DEF6: variants seen among roughly 807,000 people sequenced by gnomAD.
DEF6 encodes DEF6 guanine nucleotide exchange factor.
In DEF6, 32 loss-of-function variants were observed where a neutral mutation model predicts 80.5. That is an observed-to-expected ratio of 0.40 (90% confidence interval 0.30 to 0.53). The LOEUF (loss-of-function observed/expected upper bound fraction) is 0.53. Among genes scored for constraint, DEF6 ranks in the 20% least tolerant of loss-of-function variants. The probability of loss-of-function intolerance (pLI) is 0.57; values close to 1 mark genes in which losing one functional copy is unlikely to be tolerated. For synonymous variants in DEF6, 300 were observed against 337.9 expected, an observed-to-expected ratio of 0.89 and a Z score of 1.23; for missense variants, 575 against 818.7, an observed-to-expected ratio of 0.70 and a Z score of 3.63.
intron 2 of DEF6, 138 bp from the exon 3 acceptor site, chr6:35,310,321 A>G (rs1015966637): frequency 3.6e-6 from 3 of 830,962 alleles, no homozygotes; most frequent in South Asian, 1.6e-5. Context: ...TAATCAGCTC[A>G]GGGATCCCTT....
intron 1 of DEF6, 22 bp from the exon 2 acceptor site, chr6:35,309,648 C>T (rs1791437604): frequency 1.9e-6 from 3 of 1,610,062 alleles, no homozygotes; most frequent in Non-Finnish European, 2.5e-6. Context: ...GAAAGACACA[C>T]TGCCACTCTA....
chr6:35,304,167 A>G lies in DEF6; in HGVS notation c.97-5503A>G, dbSNP rs374822835. 9.9e-4 allele frequency among the ~76,000 whole-genome samples: 151 copies of G among 152,230 alleles called. No individual in the cohort carries two copies. The South Asian group carries it at 0.014, about 14-fold the overall frequency. On this transcript the variant is annotated intron_variant, in intron 1 of 10. Transcript: ENST00000316637. The stretch of plus-strand genomic sequence containing the variant: ...AAAACACACACACACATATACACAC[A>G]AAAATTAGCCGGGTGTGATGGCGCA...
At position 35,319,654 on chromosome 6, in the gene DEF6, G is replaced by C; in HGVS notation, c.1346G>C (p.Arg449Pro). 2 of 1,613,486 alleles carry C rather than the reference G, an allele frequency of 1.2e-6. No homozygotes were observed. The highest frequency in any genetic ancestry group is 1.7e-6 in the Non-Finnish European group (2 of 1,179,620). Residue 449 changes from arginine (R) to proline (P), a missense_variant, in exon 8 of 11, where the codon CGG becomes CCG. Coordinates refer to ENST00000316637, the MANE Select transcript of DEF6 (RefSeq NM_022047.4). The surrounding 1 kb of genome is among the most constrained non-coding windows in gnomAD (Gnocchi z 4.5). ...GCCCTGCAACTAGAGGTGAAAGCTC[G>C]GCGAGATGAAGAATCTGTGCGAATC... The part of the protein sequence containing the change: ...QEALQLEVKA[R>P]RDEESVRIAQ...
chr6:35,310,551 C>G lies in DEF6; in HGVS notation c.330C>G (p.Asn110Lys), dbSNP rs1791454790. Reference protein sequence around the residue: ...KKNYRADSNGNSMLSNQDAFR... With the variant: ...KKNYRADSNGKSMLSNQDAFR... ...ACTATCGGGCAGATAGCAACGGGAACAGTATGCTCTCCAATCAGGATGCCT... is the reference window on the plus strand; with the variant it reads ...ACTATCGGGCAGATAGCAACGGGAAGAGTATGCTCTCCAATCAGGATGCCT... The change falls in exon 3 of 11, where the codon AAC becomes AAG. Residue 110 changes from asparagine (N) to lysine (K), a missense_variant. Physicochemically the swap from Asn to Lys is moderately conservative, Grantham distance 94. Transcript: ENST00000316637. The G allele has an allele frequency of 8.1e-6, 13 of 1,614,082 alleles. No individual in the cohort carries two copies. In the Admixed American group the frequency reaches 2.2e-4, roughly 27 times the overall value.
At chr6:35,308,678 A>G (rs966598736) in intron 1 of DEF6, among the ~76,000 whole-genome samples, 23 of 13,170 alleles carry the variant, frequency 1.7e-3, no homozygotes, top group Admixed American at 0.016. Context: ...GTCTCAAAAT[A>G]AAATAAAATA....
At position 35,321,529 on chromosome 6, in the gene DEF6, C is replaced by G. The variant is rs1791593312; in HGVS notation, c.*119C>G. On this transcript the variant is annotated 3_prime_UTR_variant, in exon 11 of 11. Transcript: ENST00000316637. ...AGCTGAGGTCCTGGTGCCAGGGGCC[C>G]AGGCCCTCCAACCATAAACAGTCCA... The G allele has an allele frequency of 2.2e-6, 2 of 908,846 alleles. No homozygotes were observed. The highest frequency in any genetic ancestry group is 3.3e-6 in the Non-Finnish European group (2 of 603,880). 56.3% of individuals were successfully genotyped at this position (908,846 alleles called of 1,614,324 possible).
chr6:35,315,869 TGAG>T (rs1425322986), intron 5 of DEF6, among the ~76,000 whole-genome samples: 2 of 147,152 alleles, frequency 1.4e-5, no homozygotes, highest in African/African-American at 5.0e-5. Context: ...TTTTTTTTTT[TGAG>T]GAGGAGGAGG....
At chr6:35,301,699 AT>A (rs1791315942) in intron 1 of DEF6, among the ~76,000 whole-genome samples, 1 of 146,048 alleles carries the variant, frequency 6.8e-6, no homozygotes, top group Non-Finnish European at 1.5e-5. Context: ...ACTAGAATAC[AT>A]TTGGTAACTC....
At position 35,312,344 on chromosome 6, in the gene DEF6, G is replaced by GAGGTGAGCTT. The variant is rs1158455283; in HGVS notation, c.467_476dup (p.Glu163GlyfsTer2). The GAGGTGAGCTT allele has an allele frequency of 6.2e-7, 1 of 1,614,064 alleles. No homozygotes were observed. Among genetic ancestry groups the GAGGTGAGCTT allele is most frequent in the Non-Finnish European group, 8.5e-7 (1 of 1,180,030 alleles). On this transcript the variant is annotated frameshift_variant, in exon 4 of 11. Transcript: ENST00000316637. LOFTEE classifies it high-confidence loss of function. The surrounding 1 kb of genome is among the most constrained non-coding windows in gnomAD (Gnocchi z 6.6). Reference sequence around the variant, plus strand: ...AAAGGTACTCAGCAGCATGAGCTTGGAGGTGAGCTTGGGTGAGCTGGAGGA... The same window carrying GAGGTGAGCTT: ...AAAGGTACTCAGCAGCATGAGCTTGGAGGTGAGCTTAGGTGAGCTTGGGTGAGCTGGAGGA...
In DEF6 at chr6:35,298,456, C is replaced by T. The variant is rs528620513; in HGVS notation, c.96+504C>T. On this transcript the variant is annotated intron_variant, in intron 1 of 10. Transcript: ENST00000316637. ...GTCTGGCCTGTCTAACCCTGCCCGC[C>T]AGGTGGGACAGAGCTGCGGAGTGGG... Among the ~76,000 whole-genome samples the T allele has an allele frequency of 2.1e-3, 320 of 152,308 alleles. 2 individuals carry two copies. Among genetic ancestry groups the T allele is most frequent in the African/African-American group, 7.3e-3 (304 of 41,568 alleles).
intron 1 of DEF6, among the ~76,000 whole-genome samples, chr6:35,308,831 G>C (rs1791427457): frequency 6.6e-6 from 1 of 152,096 alleles, no homozygotes; most frequent in African/African-American, 2.4e-5. Context: ...ATAGTAACTA[G>C]TGACTTTTTA....
chr6:35,302,580 C>A (rs1791328689), intron 1 of DEF6, among the ~76,000 whole-genome samples: 1 of 152,164 alleles, frequency 6.6e-6, no homozygotes, highest in Non-Finnish European at 1.5e-5. Flanking sequence ...GAGAACTACT[C>A]CCCTACATGC....
At chr6:35,305,162 T>C (rs1022324555) in intron 1 of DEF6, among the ~76,000 whole-genome samples, 16 of 149,724 alleles carry the variant, frequency 1.1e-4, no homozygotes, top group Admixed American at 7.9e-4. Context: ...TTTTTTTTTT[T>C]CCAGACAGGG....
At chr6:35,313,222 G>A (rs766764595) in intron 5 of DEF6, 10 of 344,546 alleles carry the variant, frequency 2.9e-5, no homozygotes, top group East Asian at 9.3e-5. Context: ...AAACACAAGC[G>A]TCTTTACTAT....
At chr6:35,301,933 G>C (rs531758991) in intron 1 of DEF6, among the ~76,000 whole-genome samples, 1 of 152,102 alleles carries the variant, frequency 6.6e-6, no homozygotes, top group African/African-American at 2.4e-5. Context: ...TGCCATGTTG[G>C]CCAGGCTGGT....
Position 35,318,366 on chromosome 6 carries a change from G to T in DEF6, c.1110G>T (p.Ala370=), listed in dbSNP as rs1791547711. Residue 370 remains alanine, a synonymous_variant, in exon 7 of 11, where the codon GCG becomes GCT. Coordinates refer to ENST00000316637, the MANE Select transcript of DEF6 (RefSeq NM_022047.4). This position sits in a 1 kb window ranked among gnomAD's most constrained non-coding sequence, Gnocchi z 5.1. The part of the protein sequence containing the change: ...KLQELELLQE[A]QRQAERLLQE... ...AGGAGCTGGAGCTGCTGCAGGAGGC[G>T]CAGCGGCAGGCCGAGCGGCTGCTGC... The T allele has an allele frequency of 3.9e-6, 6 of 1,539,944 alleles. No homozygotes were observed. Among genetic ancestry groups the T allele is most frequent in the African/African-American group, 1.4e-5 (1 of 72,788 alleles).
Position 35,302,282 on chromosome 6 carries a change from C to T in DEF6, c.96+4330C>T, listed in dbSNP as rs527296310. ...GCTGAGGTGGAAGGATCGCTTGAGC[C>T]CGAGAGGTCAAGGCTTCAGTGAGCC... On this transcript the variant is annotated intron_variant, in intron 1 of 10. Transcript: ENST00000316637. 4.3e-4 allele frequency among the ~76,000 whole-genome samples: 66 copies of T among 152,028 alleles called. 1 individual carries two copies. Among genetic ancestry groups the T allele is most frequent in the Non-Finnish European group, 7.8e-4 (53 of 67,998 alleles).
Position 35,318,294 on chromosome 6 carries a change from G to A in DEF6, c.1038G>A (p.Glu346=), listed in dbSNP as rs756137048. The part of the protein sequence containing the change: ...RERRRAAKEE[E]LLRLQQLQEE... ...GGCGCCGGGCGGCCAAGGAAGAGGA[G>A]CTGCTGCGGCTGCAGCAGCTGCAGG... Residue 346 remains glutamate, a synonymous_variant, in exon 7 of 11, where the codon GAG becomes GAA. Transcript: ENST00000316637. The surrounding 1 kb of genome is among the most constrained non-coding windows in gnomAD (Gnocchi z 5.1). The A allele has an allele frequency of 6.4e-7, 1 of 1,555,704 alleles. No individual in the cohort carries two copies. Among genetic ancestry groups the A allele is most frequent in the Non-Finnish European group, 8.7e-7 (1 of 1,151,354 alleles).
chr6:35,309,606 C>T, intron 1 of DEF6, 64 bp from the exon 2 acceptor site: 1 of 1,577,452 alleles, frequency 6.3e-7, no homozygotes, highest in Non-Finnish European at 8.7e-7. Context: ...AGGTGGGGAG[C>T]AGTCCTCTGG....
Sources: allele counts gnomAD v4.1 joint callset (sites outside exome capture counted in the v4.1 genomes callset), GRCh38; gene constraint gnomAD v4.1.1; non-coding constraint Gnocchi (gnomAD v3.1); transcripts MANE v1.5; gene names NCBI Gene and HGNC (gene_info 2026-07-23, HGNC 2026-07-21).